The following TNXB variants were observed in gnomAD, a reference collection of about 807,000 sequenced individuals.
TNXB encodes the protein tenascin-X.
In TNXB, 183 loss-of-function variants were observed where a neutral mutation model predicts 340.5. The ratio of observed to expected loss-of-function variants is 0.54; its 90% CI spans 0.48 to 0.61. The LOEUF (loss-of-function observed/expected upper bound fraction) is 0.61. Ranked by LOEUF, TNXB falls within the 20% of genes least tolerant of loss-of-function variation. TNXB has a pLI of 0.00. For synonymous variants in TNXB, 2,121 were observed against 2,314.5 expected (o/e 0.92, Z 2.40); for missense variants, 4,613 against 5,446.4 (o/e 0.85, Z 4.82).
At position 32,056,104 on chromosome 6, in the gene TNXB, G is replaced by C; in HGVS notation, c.8214C>G (p.Leu2738=). 6.2e-7 allele frequency: 1 copy of C among 1,612,724 alleles called. No homozygotes were observed. The change falls in exon 24 of 44, where the codon CTC becomes CTG. Residue 2738 remains leucine, a synonymous_variant. Transcript: ENST00000644971. ...TEAPEPPEEP[L]LGELTVTGSS... Reference sequence around the variant, plus strand: ...ATCCTGTCACTGTCAGCTCCCCCAGGAGCGGCTCCTCAGGGGGCTCCGGGG... The same window carrying C: ...ATCCTGTCACTGTCAGCTCCCCCAGCAGCGGCTCCTCAGGGGGCTCCGGGG...
chr6:32,055,838 C>G lies in TNXB; in HGVS notation c.8467+13G>C. On this transcript the variant is annotated intron_variant, in intron 24 of 43. Transcript: ENST00000644971. ...ATCTTCTAGGGCCATCTTCCTCACT[C>G]ACAAACACTCACCTGTCACACCCAC... 1 of 1,605,010 alleles carries G rather than the reference C, an allele frequency of 6.2e-7. No individual in the cohort carries two copies. Among genetic ancestry groups the G allele is most frequent in the Non-Finnish European group, 8.5e-7 (1 of 1,173,278 alleles).
In TNXB at chr6:32,067,124, A is replaced by AAAGGAAGGAAGG. The variant is rs1214703349; in HGVS notation, c.6544+536_6544+537insCCTTCCTTCCTT. Among the ~76,000 whole-genome samples, 2 of 131,734 alleles carry AAAGGAAGGAAGG rather than the reference A, an allele frequency of 1.5e-5. No homozygotes were observed. Among genetic ancestry groups the AAAGGAAGGAAGG allele is most frequent in the African/African-American group, 6.0e-5 (2 of 33,104 alleles). 86.4% of individuals were successfully genotyped at this position (131,734 alleles called of 152,430 possible). A position where few individuals can be genotyped will look rare whatever the true frequency, so the allele number is the denominator to read the frequency against. ...AAGAAAGAAAGAAAGAGAAAGAAAG[A>AAAGGAAGGAAGG]AAGGAAGGAAGAAAGAAAGAAAGAA... On this transcript the variant is annotated intron_variant, in intron 18 of 43. Transcript: ENST00000644971. This position sits in a 1 kb window ranked among gnomAD's most constrained non-coding sequence, Gnocchi z 4.2.
rs587777684 is a variant in TNXB, at chr6:32,081,419, C to T, written c.3991G>A (p.Gly1331Arg). The T allele has an allele frequency of 1.2e-5, 19 of 1,556,970 alleles. No individual in the cohort carries two copies. The highest frequency in any genetic ancestry group is 1.5e-5 in the Non-Finnish European group (17 of 1,150,768). ...PDRKYKMNLY[G>R]LRGRQRVGPE... ...CCCACACGCTGCCTGCCACGAAGCC[C>T]GTAGAGGTTCATCTTATACTTCCGG... is the stretch of plus-strand genomic sequence containing the variant. Residue 1331 changes from glycine to arginine, a missense_variant, in exon 10 of 44, where the codon GGG becomes AGG. Around this residue, in one of 7 missense-constraint regions of TNXB, gnomAD observed 4,327 missense variants for 4,859.4 expected, o/e 0.89. Transcript: ENST00000644971. The surrounding 1 kb of genome is among the most constrained non-coding windows in gnomAD (Gnocchi z 5.1).
At chr6:32,092,573 C>T (rs1780122846) in intron 4 of TNXB, among the ~76,000 whole-genome samples, 1 of 151,776 alleles carries the variant, frequency 6.6e-6, no homozygotes. Context: ...GTCTGTAATC[C>T]CAGCTACTTG....
At position 32,058,426 on chromosome 6, in the gene TNXB, G is replaced by C; in HGVS notation, c.7493-36C>G. 6.7e-7 allele frequency: 1 copy of C among 1,494,248 alleles called. No homozygotes were observed. The highest frequency in any genetic ancestry group is 9.0e-7 in the Non-Finnish European group (1 of 1,111,874). 92.6% of individuals were successfully genotyped at this position (1,494,248 alleles called of 1,614,324 possible). ...ATATAGGGGGATACAGAGTTTAAGG[G>C]TTTAAGGGCAACTTGCTTTGCTGGT... On this transcript the variant is annotated intron_variant, in intron 21 of 43. Coordinates refer to ENST00000644971, the MANE Select transcript of TNXB (RefSeq NM_001365276.2). This position sits in a 1 kb window ranked among gnomAD's most constrained non-coding sequence, Gnocchi z 5.1.
chr6:32,069,412 C>A lies in TNXB; in HGVS notation c.5587+141G>T. ...TTGCTGGAGGCTGGGACTGGGGCAA[C>A]TGACTCTAAAGGGGCACAAGGAAAC... On this transcript the variant is annotated intron_variant, in intron 15 of 43. Coordinates refer to ENST00000644971, the MANE Select transcript of TNXB (RefSeq NM_001365276.2). This position sits in a 1 kb window ranked among gnomAD's most constrained non-coding sequence, Gnocchi z 6.2. The A allele has an allele frequency of 9.2e-7, 1 of 1,084,412 alleles. No homozygotes were observed. The highest frequency in any genetic ancestry group is 1.3e-6 in the Non-Finnish European group (1 of 784,596). The allele number at this position is 1,084,412 out of a possible 1,614,324, so 67.2% of individuals were successfully genotyped here.
chr6:32,078,550 A>G (rs1779245876), intron 11 of TNXB: 1 of 166,822 alleles, frequency 6.0e-6, no homozygotes, highest in Non-Finnish European at 1.3e-5. Flanking sequence ...CCATCCAAGT[A>G]CTAACCAGAC....
chr6:32,087,699 C>T lies in TNXB; in HGVS notation c.2779+1086G>A, dbSNP rs1779871206. 2.2e-6 allele frequency: 1 copy of T among 462,336 alleles called. No homozygotes were observed. Among genetic ancestry groups the T allele is most frequent in the Non-Finnish European group, 4.3e-6 (1 of 231,652 alleles). The allele number at this position is 462,336 out of a possible 1,614,324, so 28.6% of individuals were successfully genotyped here. On this transcript the variant is annotated intron_variant, in intron 6 of 43. Transcript: ENST00000644971. The surrounding 1 kb of genome is among the most constrained non-coding windows in gnomAD (Gnocchi z 9.0). Reference sequence around the variant, plus strand: ...GCTGCAAGTATTCATGGATGTGGCGCGCCACCGACGTGTAAGTCTGGTTGG... The same window carrying T: ...GCTGCAAGTATTCATGGATGTGGCGTGCCACCGACGTGTAAGTCTGGTTGG...
In TNXB at chr6:32,067,371, A is replaced by G. The variant is rs1778435759; in HGVS notation, c.6544+290T>C. 1.3e-5 allele frequency among the ~76,000 whole-genome samples: 2 copies of G among 151,882 alleles called. No homozygotes were observed. Among genetic ancestry groups the G allele is most frequent in the African/African-American group, 2.4e-5 (1 of 41,136 alleles). On this transcript the variant is annotated intron_variant, in intron 18 of 43. Transcript: ENST00000644971. This position sits in a 1 kb window ranked among gnomAD's most constrained non-coding sequence, Gnocchi z 4.2. ...ATTTGTATTTCAAAAATGTGTTCCA[A>G]TCTCACAAAAAGAGTTATGTATAGA...
At chr6:32,078,731 A>G (rs927567660) in intron 11 of TNXB, 1 of 396,202 alleles carries the variant, frequency 2.5e-6, no homozygotes, top group African/African-American at 2.1e-5. Flanking sequence ...CTGGCAGCAT[A>G]TTTACTTTTG....
chr6:32,102,045 G>A (rs1780745790), intron 1 of TNXB, among the ~76,000 whole-genome samples: 1 of 152,086 alleles, frequency 6.6e-6, no homozygotes, highest in Non-Finnish European at 1.5e-5. Context: ...TTTAAAAGAT[G>A]CACAAAATCA....
At position 32,079,164 on chromosome 6, in the gene TNXB, G is replaced by T; in HGVS notation, c.4244C>A (p.Ala1415Glu). Reference protein sequence around the residue: ...QYKDRDGRPRAVRVGGKESEV... With the variant: ...QYKDRDGRPREVRVGGKESEV... ...ACTCTCCTTGCCCCCAACACGCACC[G>T]CCCGGGGCCGCCCATCCCTGTCCTT... The change falls in exon 11 of 44, where the codon GCG becomes GAG. Residue 1415 changes from alanine to glutamate, a missense_variant. Physicochemically the swap from Ala to Glu is moderately radical, Grantham distance 107. Coordinates refer to ENST00000644971, the MANE Select transcript of TNXB (RefSeq NM_001365276.2). This position sits in a 1 kb window ranked among gnomAD's most constrained non-coding sequence, Gnocchi z 7.1. 2 of 1,613,812 alleles carry T rather than the reference G, an allele frequency of 1.2e-6. No individual in the cohort carries two copies. Among genetic ancestry groups the T allele is most frequent in the Non-Finnish European group, 1.7e-6 (2 of 1,179,872 alleles).
At chr6:32,057,618 A>C (rs1417367962) in intron 22 of TNXB, among the ~76,000 whole-genome samples, 1 of 150,592 alleles carries the variant, frequency 6.6e-6, no homozygotes, top group Non-Finnish European at 1.5e-5. Context: ...CTGCTCCCAC[A>C]CTTCAGGATG....
rs1778448996 is a variant in TNXB, at chr6:32,067,583, T to C, written c.6544+78A>G. The stretch of plus-strand genomic sequence containing the variant: ...TTACAGGTTTGAGGTCTTGGGGTTC[T>C]GGGTCCCTAGTGGAGGAGATGCTGG... On this transcript the variant is annotated intron_variant, in intron 18 of 43. Coordinates refer to ENST00000644971, the MANE Select transcript of TNXB (RefSeq NM_001365276.2). The surrounding 1 kb of genome is among the most constrained non-coding windows in gnomAD (Gnocchi z 4.2). 1.3e-6 allele frequency: 2 copies of C among 1,533,668 alleles called. No homozygotes were observed. Among genetic ancestry groups the C allele is most frequent in the Admixed American group, 2.1e-5 (1 of 48,166 alleles).
At chr6:32,071,096 G>C (rs773870784) in intron 13 of TNXB, among the ~76,000 whole-genome samples, 10 of 152,194 alleles carry the variant, frequency 6.6e-5, no homozygotes, top group Non-Finnish European at 1.5e-4. Context: ...CTTCCTGGAC[G>C]GTGAGGACGC....
rs1777789702 is a variant in TNXB, at chr6:32,058,187, C to A, written c.7696G>T (p.Val2566Leu). 6.2e-7 allele frequency: 1 copy of A among 1,612,444 alleles called. No individual in the cohort carries two copies. The highest frequency in any genetic ancestry group is 8.5e-7 in the Non-Finnish European group (1 of 1,179,842). ...YKDRDGRPQA[V>L]RVGGQESKVT... is the part of the protein sequence containing the mutation. ...TTGCTCTCCTGGCCCCCAACACGCACCGCCTGGGGCCGCCCGTCCCTGTCC... is the reference window on the plus strand; with the variant it reads ...TTGCTCTCCTGGCCCCCAACACGCAACGCCTGGGGCCGCCCGTCCCTGTCC... The change falls in exon 22 of 44, where the codon GTG becomes TTG. Residue 2566 changes from valine (V) to leucine (L), a missense_variant. Physicochemically the swap from Val to Leu is conservative, Grantham distance 32. Transcript: ENST00000644971. The surrounding 1 kb of genome is among the most constrained non-coding windows in gnomAD (Gnocchi z 5.1).
In TNXB at chr6:32,090,609, T is replaced by C. The variant is rs764667000; in HGVS notation, c.2359-1230A>G. On this transcript the variant is annotated intron_variant, in intron 4 of 43. Transcript: ENST00000644971. The surrounding 1 kb of genome is among the most constrained non-coding windows in gnomAD (Gnocchi z 4.3). ...CAAGAGAACTGTGGGGAAATCAACA[T>C]AGTAAATACCGAAGTATAAAACCAG... is the stretch of plus-strand genomic sequence containing the variant. 2.0e-5 allele frequency among the ~76,000 whole-genome samples: 3 copies of C among 152,172 alleles called. No individual in the cohort carries two copies. The highest frequency in any genetic ancestry group is 4.4e-5 in the Non-Finnish European group (3 of 68,020).
In TNXB at chr6:32,098,057, C is replaced by T. The variant is rs769465899; in HGVS notation, c.142G>A (p.Val48Met). The T allele has an allele frequency of 1.9e-6, 3 of 1,606,682 alleles. No individual in the cohort carries two copies. The highest frequency in any genetic ancestry group is 2.5e-6 in the Non-Finnish European group (3 of 1,177,802). ...GAGGGGCTTCCCACTCCAGCCCCCA[C>T]TGTGTGGCCCCCTGGCTGGGGAGGG... ...RPPPQPGGHT[V>M]GAGVGSPSSQ... The change falls in exon 2 of 44, where the codon GTG (valine) becomes ATG (methionine). Residue 48 changes from valine (V) to methionine (M), a missense_variant. Coordinates refer to ENST00000644971, the MANE Select transcript of TNXB (RefSeq NM_001365276.2).
At chr6:32,048,785 T>A (rs1394970571) in intron 28 of TNXB, 135 bp from the exon 29 acceptor site, 1 of 926,532 alleles carries the variant, frequency 1.1e-6, no homozygotes, top group Non-Finnish European at 1.4e-6. Flanking sequence ...GTGCCCTGCA[T>A]TGCTGTAAGC....
Sources: gnomAD v4.1 joint callset for allele counts (sites outside exome capture counted in the v4.1 genomes callset) on GRCh38, gnomAD v4.1.1 for gene constraint, gnomAD v4.1.1 regional missense constraint, Gnocchi (gnomAD v3.1) non-coding constraint, MANE v1.5 for transcripts, NCBI Gene and HGNC (gene_info 2026-07-23, HGNC 2026-07-21) for gene names.